SCCPDH: variants seen among roughly 807,000 people sequenced by gnomAD.
The protein encoded by SCCPDH is saccharopine dehydrogenase (putative).
Under a neutral mutation model 51.5 loss-of-function variants are expected in SCCPDH, and 34 were observed. That is an observed-to-expected ratio of 0.66 (90% confidence interval 0.50 to 0.88). The LOEUF is 0.88. SCCPDH is among the 40% of genes least tolerant of loss of function. The probability of loss-of-function intolerance (pLI) is 0.00; values close to 1 mark genes in which losing one functional copy is unlikely to be tolerated. For missense variants in SCCPDH, 464 were observed against 527.1 expected, an observed-to-expected ratio of 0.88 and a Z score of 1.17; for synonymous variants, 187 against 191.3, an observed-to-expected ratio of 0.98 and a Z score of 0.19.
intron 5 of SCCPDH, among the ~76,000 whole-genome samples, chr1:246,752,483 T>C (rs1035989202): frequency 3.3e-5 from 5 of 152,202 alleles, no homozygotes; most frequent in Non-Finnish European, 7.3e-5. Flanking sequence ...TTGAGTGTTA[T>C]AGGGAGACAT....
rs1328961303 is a variant in SCCPDH, at chr1:246,726,956, T to C, written c.255T>C (p.Leu85=). 2 of 1,614,084 alleles carry C rather than the reference T, an allele frequency of 1.2e-6. No individual in the cohort carries two copies. The highest frequency in any genetic ancestry group is 2.7e-5 in the African/African-American group (2 of 74,948). Residue 85 remains leucine (L), a synonymous_variant, in exon 2 of 12, where the codon CTT becomes CTC. Coordinates refer to ENST00000366510, the MANE Select transcript of SCCPDH (RefSeq NM_016002.3). ...IICDIANPAS[L]DEMAKQATVV... ...GTGATATTGCTAATCCAGCCTCGCTTGATGAAATGGCTAAACAGGCAACAG... is the reference window on the plus strand; with the variant it reads ...GTGATATTGCTAATCCAGCCTCGCTCGATGAAATGGCTAAACAGGCAACAG...
chr1:246,749,061 T>A (rs546843890), intron 5 of SCCPDH, among the ~76,000 whole-genome samples: 4 of 152,206 alleles, frequency 2.6e-5, no homozygotes, highest in Non-Finnish European at 5.9e-5. Context: ...CCTCGGGGGC[T>A]GACCCACAAG....
intron 9 of SCCPDH, among the ~76,000 whole-genome samples, chr1:246,762,673 T>G (rs965578779): frequency 6.6e-6 from 1 of 151,850 alleles, no homozygotes; most frequent in Non-Finnish European, 1.5e-5. Flanking sequence ...AAACTTCATC[T>G]CTACTAAAAA....
chr1:246,745,481 A>C (rs149695834), intron 5 of SCCPDH, among the ~76,000 whole-genome samples: 1 of 152,214 alleles, frequency 6.6e-6, no homozygotes, highest in Non-Finnish European at 1.5e-5. Context: ...TAAAGAGATC[A>C]GATGAAATAC....
intron 5 of SCCPDH, 82 bp downstream of exon 5, chr1:246,744,207 G>T (rs1668722026): frequency 4.0e-6 from 3 of 745,170 alleles, no homozygotes; most frequent in Non-Finnish European, 4.4e-6. Context: ...TTTTAGGTAT[G>T]TATAATTTTT....
rs1469680751 is a variant in SCCPDH, at chr1:246,740,170, A to G, written c.385-2A>G. The stretch of plus-strand genomic sequence containing the variant: ...TTAAAATTCTTATCCTGGATTTTTT[A>G]GTTTCTGGAACTAATGCAACTGAAG... On this transcript the variant is annotated splice_acceptor_variant, in intron 3 of 11. Transcript: ENST00000366510. LOFTEE classifies it high-confidence loss of function. 1 of 1,564,762 alleles carries G rather than the reference A, an allele frequency of 6.4e-7. No homozygotes were observed. The highest frequency in any genetic ancestry group is 1.2e-5 in the South Asian group (1 of 84,400).
At chr1:246,750,339 T>G (rs1269816630) in intron 5 of SCCPDH, among the ~76,000 whole-genome samples, 2 of 152,194 alleles carry the variant, frequency 1.3e-5, no homozygotes, top group Non-Finnish European at 2.9e-5. Context: ...TCTTTTGTTT[T>G]GACTGTGGGA....
At chr1:246,749,845 G>C (rs1476445065) in intron 5 of SCCPDH, among the ~76,000 whole-genome samples, 2 of 152,186 alleles carry the variant, frequency 1.3e-5, no homozygotes, top group Non-Finnish European at 2.9e-5. Context: ...CTTTTCTAAA[G>C]TGTAGATTTG....
At chr1:246,744,511 G>A (rs534571201) in intron 5 of SCCPDH, among the ~76,000 whole-genome samples, 2 of 152,114 alleles carry the variant, frequency 1.3e-5, no homozygotes, top group African/African-American at 4.8e-5. Flanking sequence ...AGTAGAGACG[G>A]GGTTTCTCCA....
intron 1 of SCCPDH, among the ~76,000 whole-genome samples, chr1:246,725,717 A>G (rs1348458353): frequency 6.6e-6 from 1 of 152,202 alleles, no homozygotes; most frequent in African/African-American, 2.4e-5. Flanking sequence ...AAGTAATTTT[A>G]CTATGAAAAT....
At position 246,737,618 on chromosome 1, in the gene SCCPDH, GTCTC is replaced by G. The variant is rs532981487; in HGVS notation, c.384+1572_384+1575del. ...CCCCCCCCTTTTTTTTTGATACAGG[GTCTC>G]TCTCTCTCACCCAGGCTGGAGTGCA... On this transcript the variant is annotated intron_variant, in intron 3 of 11. Coordinates refer to ENST00000366510, the MANE Select transcript of SCCPDH (RefSeq NM_016002.3). Among the ~76,000 whole-genome samples the G allele has an allele frequency of 9.0e-3, 1,365 of 151,550 alleles. 10 individuals are homozygous for G. Among genetic ancestry groups the G allele is most frequent in the Middle Eastern group, 0.027 (8 of 292 alleles).
chr1:246,727,633 C>T (rs1169703848), intron 2 of SCCPDH, among the ~76,000 whole-genome samples: 2 of 152,152 alleles, frequency 1.3e-5, no homozygotes, highest in Admixed American at 6.6e-5. Context: ...GATGGATGGT[C>T]AGGGAAGGTT....
chr1:246,732,268 T>G (rs1211088047), intron 2 of SCCPDH, among the ~76,000 whole-genome samples: 1 of 152,198 alleles, frequency 6.6e-6, no homozygotes, highest in East Asian at 1.9e-4. Context: ...AGATGAGTGT[T>G]GACAGGGTCT....
chr1:246,743,924 A>C, intron 4 of SCCPDH, 152 bp from the exon 5 acceptor site: 1 of 530,816 alleles, frequency 1.9e-6, no homozygotes, highest in Non-Finnish European at 3.4e-6. Context: ...GTACAAAAAC[A>C]TAATAAAACT....
intron 2 of SCCPDH, among the ~76,000 whole-genome samples, chr1:246,728,522 T>C (rs1225895369): frequency 3.3e-5 from 5 of 152,202 alleles, no homozygotes; most frequent in African/African-American, 7.2e-5. Flanking sequence ...ACTTCAAATA[T>C]GTGTTTACAA....
In SCCPDH at chr1:246,765,052, TG is replaced by T. The variant is rs1558175914; in HGVS notation, c.1102+696del. Among the ~76,000 whole-genome samples, 327 of 64,936 alleles carry T rather than the reference TG, an allele frequency of 5.0e-3. 161 individuals carry two copies. The highest frequency in any genetic ancestry group is 0.021 in the African/African-American group (314 of 15,234). 42.6% of individuals were successfully genotyped at this position (64,936 alleles called of 152,430 possible). A position where few individuals can be genotyped will look rare whatever the true frequency, so the allele number is the denominator to read the frequency against. ...ACTGTCAGAGACAGACAGGTCCACT[TG>T]TGAACTGTGGTATAATTACTGTCAG... On this transcript the variant is annotated intron_variant, in intron 10 of 11. Coordinates refer to ENST00000366510, the MANE Select transcript of SCCPDH (RefSeq NM_016002.3).
intron 2 of SCCPDH, among the ~76,000 whole-genome samples, chr1:246,728,469 C>T (rs1380824852): frequency 6.6e-6 from 1 of 152,154 alleles, no homozygotes; most frequent in Non-Finnish European, 1.5e-5. Flanking sequence ...ATGAGTAACA[C>T]AGTGTGGCTG....
chr1:246,764,668 G>A (rs1464142914), intron 10 of SCCPDH, among the ~76,000 whole-genome samples: 2 of 152,210 alleles, frequency 1.3e-5, no homozygotes, highest in Admixed American at 1.3e-4. Context: ...TGCAAGTAGT[G>A]TAATTATAAT....
In SCCPDH at chr1:246,732,571, C is replaced by T. The variant is rs111700933; in HGVS notation, c.304-3404C>T. 8.7e-4 allele frequency among the ~76,000 whole-genome samples: 133 copies of T among 152,106 alleles called. 1 individual carries two copies. Among genetic ancestry groups the T allele is most frequent in the African/African-American group, 2.9e-3 (121 of 41,494 alleles). ...CCTAGCTAATTTTTATATTTTTAGT[C>T]GAGACAGGGTTTTACCAAATTGGTC... On this transcript the variant is annotated intron_variant, in intron 2 of 11. Transcript: ENST00000366510.
Sources: gnomAD v4.1 joint callset for allele counts (sites outside exome capture counted in the v4.1 genomes callset) on GRCh38, gnomAD v4.1.1 for gene constraint, MANE v1.5 for transcripts, NCBI Gene and HGNC (gene_info 2026-07-23, HGNC 2026-07-21) for gene names.